The following TMEM269 variants were observed in gnomAD, a reference collection of about 807,000 sequenced individuals.
The protein encoded by TMEM269 is transmembrane protein 269.
A neutral mutation model predicts 15.8 loss-of-function variants in TMEM269; 12 were observed. The observed-to-expected ratio is 0.76, with a 90% CI of 0.49 to 1.23. The LOEUF is 1.23. Ranked by LOEUF, TMEM269 falls within the 50% of genes most tolerant of loss-of-function variation. The pLI is 0.00. For missense variants in TMEM269, 211 were observed against 245.4 expected (o/e 0.86, Z 0.94); for synonymous variants, 93 against 99.3 (o/e 0.94, Z 0.38).
rs1354096929 is a variant in TMEM269, at chr1:42,798,256, G to A, written c.*31G>A. On this transcript the variant is annotated 3_prime_UTR_variant, in exon 6 of 6. Transcript: ENST00000637012. ...CTAAGCAGCTCTACCAGCTCCTGCC[G>A]GCCTCTGTGGGGTTTGTGTCAGCAT... 8 of 1,540,746 alleles carry A rather than the reference G, an allele frequency of 5.2e-6. No individual in the cohort carries two copies. Among genetic ancestry groups the A allele is most frequent in the South Asian group, 1.2e-5 (1 of 84,024 alleles).
Position 42,797,965 on chromosome 1 carries a change from C to T in TMEM269, c.485-133C>T. The T allele has an allele frequency of 1.0e-6, 1 of 1,001,114 alleles. No individual in the cohort carries two copies. Among genetic ancestry groups the T allele is most frequent in the Non-Finnish European group, 1.5e-6 (1 of 649,948 alleles). 62.0% of individuals were successfully genotyped at this position (1,001,114 alleles called of 1,614,324 possible). A position where few individuals can be genotyped will look rare whatever the true frequency, so the allele number is the denominator to read the frequency against. ...CTGAACTTGAAGACAGGGCTCCTGT[C>T]TCTTTCTGTTTGTTTCTTAGGCACT... On this transcript the variant is annotated intron_variant, in intron 5 of 5. Transcript: ENST00000637012. The surrounding 1 kb of genome is among the most constrained non-coding windows in gnomAD (Gnocchi z 4.9).
In TMEM269 at chr1:42,798,314, T is replaced by C. The variant is rs1653824183; in HGVS notation, c.*89T>C. On this transcript the variant is annotated 3_prime_UTR_variant, in exon 6 of 6. Coordinates refer to ENST00000637012, the MANE Select transcript of TMEM269 (RefSeq NM_001354602.2). ...CAAGCCTGCACTAAAGCTTTGTATG[T>C]ACCTGTGTTGCCATATACTAGATAT... 1.3e-6 allele frequency: 2 copies of C among 1,485,500 alleles called. No homozygotes were observed. The allele number at this position is 1,485,500 out of a possible 1,614,324, so 92.0% of individuals were successfully genotyped here.
At chr1:42,790,577 A>G (rs1026198417) in intron 2 of TMEM269, among the ~76,000 whole-genome samples, 2 of 146,594 alleles carry the variant, frequency 1.4e-5, no homozygotes, top group Admixed American at 7.0e-5. Flanking sequence ...TACAGCAGAA[A>G]ATTTCTTTTT....
At chr1:42,792,949 A>T (rs774757334) in intron 3 of TMEM269, 47 bp downstream of exon 3, 10 of 1,413,778 alleles carry the variant, frequency 7.1e-6, no homozygotes, top group Non-Finnish European at 9.8e-6. Flanking sequence ...AGTAGCATCC[A>T]TCTGGGGTCA....
At chr1:42,793,848 G>A in intron 4 of TMEM269, 104 bp downstream of exon 4, 22 of 1,329,226 alleles carry the variant, frequency 1.7e-5, no homozygotes, top group Non-Finnish European at 2.2e-5. Flanking sequence ...TCCTTTTTTG[G>A]AGCTCCTCTT....
intron 3 of TMEM269, 105 bp downstream of exon 3, chr1:42,793,007 A>G: frequency 1.2e-6 from 1 of 858,456 alleles, no homozygotes; most frequent in Admixed American, 2.0e-5. Context: ...TCAGGCATCC[A>G]CCCCTGTTCA....
chr1:42,794,320 G>A, intron 4 of TMEM269, 93 bp from the exon 5 acceptor site: 1 of 887,928 alleles, frequency 1.1e-6, no homozygotes. Context: ...TTGTATCCTG[G>A]GTAGGGGAAT....
chr1:42,800,819 TC>T lies in TMEM269; in HGVS notation c.*2598del, dbSNP rs1653876311. 1 of 137,030 alleles carries T rather than the reference TC, an allele frequency of 7.3e-6. No homozygotes were observed. Among genetic ancestry groups the T allele is most frequent in the Non-Finnish European group, 1.6e-5 (1 of 62,998 alleles). 8.5% of individuals were successfully genotyped at this position (137,030 alleles called of 1,614,324 possible). ...TAAATAAATGTTAGATGGCTTTCTG[TC>T]CCCTCTAGCCTTCTTCTCTTCCCAT... On this transcript the variant is annotated 3_prime_UTR_variant, in exon 6 of 6. Coordinates refer to ENST00000637012, the MANE Select transcript of TMEM269 (RefSeq NM_001354602.2).
At chr1:42,792,249 C>T (rs772270580) in intron 2 of TMEM269, among the ~76,000 whole-genome samples, 6 of 152,310 alleles carry the variant, frequency 3.9e-5, no homozygotes, top group South Asian at 2.1e-4. Context: ...AACAACTCTA[C>T]GCCCACAAAT....
At chr1:42,791,140 A>G (rs1018839445) in intron 2 of TMEM269, among the ~76,000 whole-genome samples, 1 of 152,240 alleles carries the variant, frequency 6.6e-6, no homozygotes, top group African/African-American at 2.4e-5. Flanking sequence ...TGAGTCTACT[A>G]TCAAGGTTGG....
intron 1 of TMEM269, chr1:42,789,226 C>T (rs1314676065): frequency 3.5e-6 from 2 of 576,056 alleles, no homozygotes; most frequent in East Asian, 5.6e-5. Flanking sequence ...TCCGGCTACA[C>T]ATTCAGTTTT....
rs888809905 is a variant in TMEM269, at chr1:42,793,303, G to A, written c.140-298G>A. On this transcript the variant is annotated intron_variant, in intron 3 of 5. Transcript: ENST00000637012. ...AAAATGCTTCCATGTAAGATTTAGC[G>A]TGAAAAAAGTCCCACAGCTTATCAG... 3.3e-5 allele frequency among the ~76,000 whole-genome samples: 5 copies of A among 152,150 alleles called. No homozygotes were observed. The East Asian group carries it at 5.8e-4, about 18-fold the overall frequency.
At chr1:42,791,606 T>C (rs1413252263) in intron 2 of TMEM269, among the ~76,000 whole-genome samples, 2 of 152,156 alleles carry the variant, frequency 1.3e-5, no homozygotes, top group African/African-American at 4.8e-5. Flanking sequence ...TGAATGCATA[T>C]AGTCAAGAAA....
chr1:42,794,398 C>T lies in TMEM269; in HGVS notation c.284-15C>T, dbSNP rs139184014. 1.1e-3 allele frequency: 1,623 copies of T among 1,545,342 alleles called. 7 individuals carry two copies. The highest frequency in any genetic ancestry group is 4.4e-3 in the South Asian group (369 of 83,906). On this transcript the variant is annotated splice_polypyrimidine_tract_variant and intron_variant, in intron 4 of 5. Transcript: ENST00000637012. ...GCAGAGGGAAGCAGCTAATCTCCAG[C>T]GTTCTTCCTGGCAGGAGTCCCCTCC...
chr1:42,793,504 A>G (rs1451498579), intron 3 of TMEM269, 97 bp from the exon 4 acceptor site: 28 of 1,250,862 alleles, frequency 2.2e-5, no homozygotes, highest in Non-Finnish European at 3.0e-5. Flanking sequence ...TGACCTCAGG[A>G]CCCCTCTTAT....
chr1:42,799,774 A>G lies in TMEM269; in HGVS notation c.*1549A>G, dbSNP rs925362116. 6.6e-6 allele frequency: 1 copy of G among 152,224 alleles called. No homozygotes were observed. The highest frequency in any genetic ancestry group is 2.1e-4 in the South Asian group (1 of 4,828). The allele number at this position is 152,224 out of a possible 1,614,324, so 9.4% of individuals were successfully genotyped here. On this transcript the variant is annotated 3_prime_UTR_variant, in exon 6 of 6. Coordinates refer to ENST00000637012, the MANE Select transcript of TMEM269 (RefSeq NM_001354602.2). The stretch of plus-strand genomic sequence containing the variant: ...CCTTCAATGCTGTACATCCATTTCA[A>G]TGTGATGCTCCCCTTAATCAAAGCA...
At chr1:42,791,023 A>G (rs1438652878) in intron 2 of TMEM269, among the ~76,000 whole-genome samples, 9 of 152,144 alleles carry the variant, frequency 5.9e-5, no homozygotes, top group South Asian at 2.1e-4. Context: ...CAGGTGCTGG[A>G]TGGAGGCACA....
Position 42,789,833 on chromosome 1 carries a change from C to G in TMEM269, c.-61C>G. The G allele has an allele frequency of 6.5e-7, 1 of 1,550,006 alleles. No homozygotes were observed. Among genetic ancestry groups the G allele is most frequent in the Non-Finnish European group, 8.7e-7 (1 of 1,146,136 alleles). On this transcript the variant is annotated 5_prime_UTR_variant, in exon 2 of 6. Transcript: ENST00000637012. ...GTTTCTTCCTGAGCCATGACCAGAG[C>G]CATTCCCAGATAAATGAGGTTTCCT...
chr1:42,792,661 G>A (rs2124218159), intron 2 of TMEM269, 144 bp from the exon 3 acceptor site: 1 of 646,272 alleles, frequency 1.5e-6, no homozygotes, highest in Non-Finnish European at 2.8e-6. Context: ...TGGGGGACAT[G>A]AAGAGGTGTG....
Sources: allele counts gnomAD v4.1 joint callset (sites outside exome capture counted in the v4.1 genomes callset), GRCh38; gene constraint gnomAD v4.1.1; non-coding constraint Gnocchi (gnomAD v3.1); transcripts MANE v1.5; gene names NCBI Gene and HGNC (gene_info 2026-07-23, HGNC 2026-07-21).